Variants in PABPC4L observed in about 807,000 individuals in gnomAD.
PABPC4L encodes poly(A) binding protein cytoplasmic 4 like, also known as polyadenylate-binding protein 4-like.
For synonymous variants in PABPC4L, 169 were observed against 164.1 expected, an observed-to-expected ratio of 1.03 and a Z score of -0.23; for missense variants, 452 against 451.4, an observed-to-expected ratio of 1.00 and a Z score of -0.01.
the PABPC4L span, among the ~76,000 whole-genome samples, chr4:134,005,336 C>T: frequency 6.6e-6 from 1 of 151,726 alleles, no homozygotes; most frequent in Admixed American, 6.6e-5. Context: ...GCCATGTATA[C>T]CTTTGCATAT....
chr4:134,083,769 A>C, the PABPC4L span, among the ~76,000 whole-genome samples: 1 of 152,198 alleles, frequency 6.6e-6, no homozygotes, highest in Non-Finnish European at 1.5e-5. Flanking sequence ...GTCTAAAAGC[A>C]TCATCAGAAT....
At chr4:133,979,819 T>A in the PABPC4L span, among the ~76,000 whole-genome samples, 3 of 152,142 alleles carry the variant, frequency 2.0e-5, no homozygotes, top group South Asian at 4.1e-4. Flanking sequence ...TGGCATGAAT[T>A]TTTACAGTTC....
the PABPC4L span, among the ~76,000 whole-genome samples, chr4:134,033,754 G>A: frequency 2.6e-5 from 4 of 151,894 alleles, no homozygotes; most frequent in Non-Finnish European, 4.4e-5. Flanking sequence ...TGATGAAGCT[G>A]CAGAAGAAAA....
downstream of PABPC4L, among the ~76,000 whole-genome samples, chr4:134,191,546 G>A (rs560814007): frequency 1.3e-5 from 2 of 152,078 alleles, no homozygotes; most frequent in South Asian, 2.1e-4. Flanking sequence ...GAAATAATTT[G>A]GGAAATATAC....
chr4:133,985,559 G>T, the PABPC4L span, among the ~76,000 whole-genome samples: 1 of 151,656 alleles, frequency 6.6e-6, no homozygotes, highest in Non-Finnish European at 1.5e-5. Flanking sequence ...AAAACTGAAA[G>T]AAAAAAAGAA....
At chr4:133,987,170 G>A in the PABPC4L span, among the ~76,000 whole-genome samples, 1 of 152,072 alleles carries the variant, frequency 6.6e-6, no homozygotes, top group South Asian at 2.1e-4. Context: ...TGTTTTTAAC[G>A]AAGACAAATG....
chr4:134,099,513 A>T, the PABPC4L span, among the ~76,000 whole-genome samples: 1 of 151,794 alleles, frequency 6.6e-6, no homozygotes, highest in African/African-American at 2.4e-5. Flanking sequence ...AGAATTCCAG[A>T]TGATACAAAA....
chr4:134,091,328 T>C, the PABPC4L span, among the ~76,000 whole-genome samples: 1 of 152,002 alleles, frequency 6.6e-6, no homozygotes, highest in African/African-American at 2.4e-5. Flanking sequence ...GACAATTTGA[T>C]TTCAGTATGT....
chr4:133,948,571 G>A, the PABPC4L span, among the ~76,000 whole-genome samples: 3 of 152,234 alleles, frequency 2.0e-5, no homozygotes, highest in Non-Finnish European at 4.4e-5. Context: ...TGGAGAATGA[G>A]AAGATTGCTT....
At chr4:134,152,462 G>C in the PABPC4L span, among the ~76,000 whole-genome samples, 2 of 152,132 alleles carry the variant, frequency 1.3e-5, no homozygotes, top group Admixed American at 6.6e-5. Context: ...CAAAGCCCTG[G>C]TGAGTACTGT....
At chr4:134,013,128 G>T in the PABPC4L span, among the ~76,000 whole-genome samples, 2 of 151,612 alleles carry the variant, frequency 1.3e-5, no homozygotes, top group Non-Finnish European at 2.9e-5. Flanking sequence ...TTCTCTCTGT[G>T]TCTCTACCCC....
the PABPC4L span, among the ~76,000 whole-genome samples, chr4:134,107,838 T>C: frequency 6.6e-6 from 1 of 151,588 alleles, no homozygotes; most frequent in Non-Finnish European, 1.5e-5. Flanking sequence ...ATTCTTAACA[T>C]TAAATATTAA....
the PABPC4L span, among the ~76,000 whole-genome samples, chr4:134,111,085 A>G: frequency 6.6e-6 from 1 of 152,040 alleles, no homozygotes. Flanking sequence ...AGGTGCCAGT[A>G]GTTTCAGTTA....
At chr4:134,082,227 C>T in the PABPC4L span, among the ~76,000 whole-genome samples, 46 of 152,188 alleles carry the variant, frequency 3.0e-4, no homozygotes, top group African/African-American at 1.1e-3. Context: ...TCTCATTCAT[C>T]TTCTAGTCTC....
At chr4:134,107,468 T>C in the PABPC4L span, among the ~76,000 whole-genome samples, 1 of 151,634 alleles carries the variant, frequency 6.6e-6, no homozygotes, top group Non-Finnish European at 1.5e-5. Flanking sequence ...AACTTGTCTA[T>C]AAAATTCCAG....
At chr4:133,962,853 G>C in the PABPC4L span, among the ~76,000 whole-genome samples, 1 of 152,136 alleles carries the variant, frequency 6.6e-6, no homozygotes, top group South Asian at 2.1e-4. Flanking sequence ...ACTAAAAGGA[G>C]CTCTAAATCT....
At chr4:134,027,159 T>C in the PABPC4L span, among the ~76,000 whole-genome samples, 3 of 152,168 alleles carry the variant, frequency 2.0e-5, no homozygotes, top group East Asian at 1.9e-4. Context: ...CTTCTCTGAG[T>C]AGATTATAAG....
chr4:134,011,682 T>C, the PABPC4L span, among the ~76,000 whole-genome samples: 2 of 152,068 alleles, frequency 1.3e-5, no homozygotes, highest in African/African-American at 4.8e-5. Flanking sequence ...ACGCCAAACT[T>C]TTTGAAGACA....
At chr4:133,973,557 AT>A in the PABPC4L span, among the ~76,000 whole-genome samples, 1 of 152,104 alleles carries the variant, frequency 6.6e-6, no homozygotes, top group Non-Finnish European at 1.5e-5. Flanking sequence ...TTGAAAACCA[AT>A]GGCCTCATGA....
Sources: gnomAD v4.1 joint callset for allele counts (sites outside exome capture counted in the v4.1 genomes callset) on GRCh38, gnomAD v4.1.1 for gene constraint, MANE v1.5 for transcripts, NCBI Gene and HGNC (gene_info 2026-07-23, HGNC 2026-07-21) for gene names.